The following FOXN1 variants were observed in gnomAD, a reference collection of about 807,000 sequenced individuals.
FOXN1 encodes the protein forkhead box protein N1.
FOXN1 carries 15 observed loss-of-function variants against 49.0 expected under a neutral mutation model. That is an observed-to-expected ratio of 0.31 (90% CI 0.20 to 0.47). The LOEUF (loss-of-function observed/expected upper bound fraction) is 0.47, where lower values mean the gene tolerates loss of function less well. Among genes scored for constraint, FOXN1 ranks in the 20% least tolerant of loss-of-function variants. The pLI is 1.00. For missense variants in FOXN1, 800 were observed against 842.8 expected (o/e 0.95, Z 0.63); for synonymous variants, 356 against 369.0 (o/e 0.96, Z 0.40).
intron 1 of FOXN1, among the ~76,000 whole-genome samples, chr17:28,519,841 C>T (rs1361356672): frequency 1.3e-5 from 2 of 152,148 alleles, no homozygotes; most frequent in African/African-American, 4.8e-5. Context: ...GAAGTTTAGC[C>T]TCTGCCAATG....
intron 1 of FOXN1, among the ~76,000 whole-genome samples, chr17:28,513,931 G>C (rs1268568272): frequency 6.6e-6 from 1 of 152,220 alleles, no homozygotes; most frequent in Non-Finnish European, 1.5e-5. Flanking sequence ...GGTTGCTGTT[G>C]GAGTCAGGCA....
intron 1 of FOXN1, among the ~76,000 whole-genome samples, chr17:28,521,082 C>A (rs941001855): frequency 1.3e-5 from 2 of 152,226 alleles, no homozygotes; most frequent in Admixed American, 6.5e-5. Context: ...TGTGCCAGCA[C>A]CTCGTGCACA....
Position 28,534,279 on chromosome 17 carries a change from G to T in FOXN1, c.928-52G>T, listed in dbSNP as rs546373567. The T allele has an allele frequency of 6.2e-7, 1 of 1,613,242 alleles. No individual in the cohort carries two copies. On this transcript the variant is annotated intron_variant, in intron 6 of 8. Coordinates refer to ENST00000579795, the MANE Select transcript of FOXN1 (RefSeq NM_001369369.1). The surrounding 1 kb of genome is among the most constrained non-coding windows in gnomAD (Gnocchi z 4.1). Reference sequence around the variant, plus strand: ...GTTCTAGAACCCAGACCTGAAGCCCGCTCTGGCTTCCTGAGCCTGGCCTGA... The same window carrying T: ...GTTCTAGAACCCAGACCTGAAGCCCTCTCTGGCTTCCTGAGCCTGGCCTGA...
chr17:28,513,689 G>T (rs1309291758), intron 1 of FOXN1, among the ~76,000 whole-genome samples: 1 of 152,218 alleles, frequency 6.6e-6, no homozygotes, highest in Non-Finnish European at 1.5e-5. Context: ...CCAGGCATGT[G>T]GGAGTATTTA....
At chr17:28,517,160 GATCCACACCTCCACA>G in intron 1 of FOXN1, among the ~76,000 whole-genome samples, 3 of 131,176 alleles carry the variant, frequency 2.3e-5, no homozygotes, top group Admixed American at 7.4e-5. Flanking sequence ...ACCTCCACAG[GATCCACACCTCCACA>G]GGGTACACAC....
chr17:28,507,831 G>C (rs561871755), intron 1 of FOXN1, among the ~76,000 whole-genome samples: 40 of 152,328 alleles, frequency 2.6e-4, no homozygotes, highest in African/African-American at 8.9e-4. Context: ...TGGGGGAAGG[G>C]GCAGGGCCTC....
rs908869879 is a variant in FOXN1 at position 28,537,588 on chromosome 17, G to A, written c.*152G>A. On this transcript the variant is annotated 3_prime_UTR_variant, in exon 9 of 9. Coordinates refer to ENST00000579795, the MANE Select transcript of FOXN1 (RefSeq NM_001369369.1). ...CGTGTGTGTCAGCTGGTAGCTGGGGGCGCAGAGGACATCACCTGGGGTGCT... is the reference window on the plus strand; with the variant it reads ...CGTGTGTGTCAGCTGGTAGCTGGGGACGCAGAGGACATCACCTGGGGTGCT... The A allele has an allele frequency of 1.4e-6, 1 of 705,810 alleles. No homozygotes were observed. The highest frequency in any genetic ancestry group is 2.5e-6 in the Non-Finnish European group (1 of 394,212). The allele number at this position is 705,810 out of a possible 1,614,324, so 43.7% of individuals were successfully genotyped here.
chr17:28,532,945 G>A (rs1001099030), intron 6 of FOXN1, among the ~76,000 whole-genome samples: 2 of 152,184 alleles, frequency 1.3e-5, no homozygotes, highest in Non-Finnish European at 2.9e-5. Flanking sequence ...GACTGTGGTG[G>A]GAGTCGAAGG....
chr17:28,522,983 T>C (rs1222179496), intron 1 of FOXN1, among the ~76,000 whole-genome samples: 1 of 152,186 alleles, frequency 6.6e-6, no homozygotes, highest in East Asian at 1.9e-4. Context: ...CTGTGTGAGG[T>C]GGGGCCTGTC....
chr17:28,534,209 C>T lies in FOXN1; in HGVS notation c.928-122C>T. On this transcript the variant is annotated intron_variant, in intron 6 of 8. Coordinates refer to ENST00000579795, the MANE Select transcript of FOXN1 (RefSeq NM_001369369.1). This position sits in a 1 kb window ranked among gnomAD's most constrained non-coding sequence, Gnocchi z 4.1. ...GATGGGTGCTGAGGAGGACAACAAG[C>T]CCCAGAGTGGGCGGCAGCTCTGTGC... 2.1e-6 allele frequency: 3 copies of T among 1,438,558 alleles called. No homozygotes were observed. Among genetic ancestry groups the T allele is most frequent in the Admixed American group, 1.8e-5 (1 of 56,472 alleles). The allele number at this position is 1,438,558 out of a possible 1,614,324, so 89.1% of individuals were successfully genotyped here. A position where few individuals can be genotyped will look rare whatever the true frequency, so the allele number is the denominator to read the frequency against.
In FOXN1 at chr17:28,537,162, C is replaced by A. The variant is rs2070087991; in HGVS notation, c.1673C>A (p.Pro558His). ...QLKDDSLALD[P>H]LVLVTSSPTS... ...AAGGATGATAGCTTGGCCCTCGACC[C>A]CCTGGTACTGGTGACCTCATCCCCG... Residue 558 changes from proline to histidine, a missense_variant, in exon 9 of 9, where the codon CCC becomes CAC. Physicochemically the swap from Pro to His is moderately conservative, Grantham distance 77. This residue lies in a region of FOXN1 where 344 missense variants were observed against 366.1 expected (regional missense o/e 0.94). Coordinates refer to ENST00000579795, the MANE Select transcript of FOXN1 (RefSeq NM_001369369.1). The A allele has an allele frequency of 1.2e-6, 2 of 1,613,994 alleles. No individual in the cohort carries two copies. The highest frequency in any genetic ancestry group is 1.3e-5 in the African/African-American group (1 of 74,892).
intron 1 of FOXN1, among the ~76,000 whole-genome samples, chr17:28,518,639 A>G (rs1179942046): frequency 6.6e-6 from 1 of 152,214 alleles, no homozygotes; most frequent in African/African-American, 2.4e-5. Flanking sequence ...GCCAGGGCAG[A>G]TCAAGTCCAC....
rs1460746383 is a variant in FOXN1 at position 28,538,667 on chromosome 17, A to G, written c.*1231A>G. The G allele has an allele frequency of 3.3e-5, 5 of 152,138 alleles. No individual in the cohort carries two copies. The highest frequency in any genetic ancestry group is 1.2e-4 in the African/African-American group (5 of 41,410). The allele number at this position is 152,138 out of a possible 1,614,324, so 9.4% of individuals were successfully genotyped here. ...CACCCCCGCTTTGACTGCTTGGCAG[A>G]CCTAGGGTGCCCGGGAAGCACAAGG... On this transcript the variant is annotated 3_prime_UTR_variant, in exon 9 of 9. Transcript: ENST00000579795.
chr17:28,524,126 C>A, intron 2 of FOXN1, 34 bp downstream of exon 2: 2 of 1,556,114 alleles, frequency 1.3e-6, no homozygotes, highest in Non-Finnish European at 1.7e-6. Flanking sequence ...GGGTTTAGGC[C>A]AAGGCCTGCG....
Position 28,534,509 on chromosome 17 carries a change from T to C in FOXN1, c.1106T>C (p.Ile369Thr), listed in dbSNP as rs867638414. ...ELQKWKRKDP[I>T]AVRKSMAKPE... The stretch of plus-strand genomic sequence containing the variant: ...CAAAAATGGAAGAGGAAAGATCCCA[T>C]TGCTGTGCGCAAAAGCATGGCCAAG... Residue 369 changes from isoleucine (I) to threonine (T), a missense_variant, in exon 7 of 9, where the codon ATT (isoleucine) becomes ACT (threonine). This residue lies in a region of FOXN1 where 344 missense variants were observed against 366.1 expected (regional missense o/e 0.94). Transcript: ENST00000579795. This position sits in a 1 kb window ranked among gnomAD's most constrained non-coding sequence, Gnocchi z 4.1. 13 of 1,613,632 alleles carry C rather than the reference T, an allele frequency of 8.1e-6. No individual in the cohort carries two copies. The highest frequency in any genetic ancestry group is 2.2e-5 in the South Asian group (2 of 91,068).
At chr17:28,516,065 C>T (rs1431757150) in intron 1 of FOXN1, among the ~76,000 whole-genome samples, 1 of 150,582 alleles carries the variant, frequency 6.6e-6, no homozygotes, top group East Asian at 2.0e-4. Context: ...GGATACACAC[C>T]TCCACAGGAT....
Position 28,530,899 on chromosome 17 carries a change from G to A in FOXN1, c.927+54G>A, listed in dbSNP as rs977221161. 6 of 981,226 alleles carry A rather than the reference G, an allele frequency of 6.1e-6. No homozygotes were observed. In the Admixed American group the frequency reaches 1.0e-4, roughly 17 times the overall value. 60.8% of individuals were successfully genotyped at this position (981,226 alleles called of 1,614,324 possible). ...CACCCCCAAGTCCTGGACAGGCCAG[G>A]CCTCTCTGAGCAGAGGCTTCTGTCT... On this transcript the variant is annotated intron_variant, in intron 6 of 8. Coordinates refer to ENST00000579795, the MANE Select transcript of FOXN1 (RefSeq NM_001369369.1).
chr17:28,535,432 A>G (rs2070038906), intron 8 of FOXN1, among the ~76,000 whole-genome samples: 1 of 152,172 alleles, frequency 6.6e-6, no homozygotes, highest in African/African-American at 2.4e-5. Flanking sequence ...GGTGCTCCAA[A>G]CATGGTCCAA....
chr17:28,526,486 G>A (rs910314807), intron 3 of FOXN1, among the ~76,000 whole-genome samples: 2 of 152,184 alleles, frequency 1.3e-5, no homozygotes, highest in Admixed American at 6.5e-5. Flanking sequence ...CGTACTCACC[G>A]GAGAGCTCTG....
Sources: allele counts gnomAD v4.1 joint callset (sites outside exome capture counted in the v4.1 genomes callset), GRCh38; gene constraint gnomAD v4.1.1; regional missense constraint gnomAD v4.1.1; non-coding constraint Gnocchi (gnomAD v3.1); transcripts MANE v1.5; gene names NCBI Gene and HGNC (gene_info 2026-07-23, HGNC 2026-07-21).